ANKMY1: variants seen among roughly 807,000 people sequenced by gnomAD.
ANKMY1 encodes ankyrin repeat and MYND domain containing 1, also known as ankyrin repeat and MYND domain-containing protein 1.
Under a neutral mutation model 102.0 loss-of-function variants are expected in ANKMY1, and 98 were observed. That is an observed-to-expected ratio of 0.96 (90% CI 0.82 to 1.14). The LOEUF (loss-of-function observed/expected upper bound fraction) is 1.14, where lower values mean the gene tolerates loss of function less well. Among genes scored for constraint, ANKMY1 ranks in the 50% most tolerant of loss-of-function variants. The pLI, the probability that ANKMY1 is intolerant of heterozygous loss-of-function variation, is 0.00. For synonymous variants in ANKMY1, 582 were observed against 559.9 expected (o/e 1.04, Z -0.56); for missense variants, 1,330 against 1,347.6 (o/e 0.99, Z 0.20).
chr2:240,529,313 T>C lies in ANKMY1; in HGVS notation c.677A>G (p.Glu226Gly). The part of the protein sequence containing the change: ...HSPARISLSE[E>G]EKTEWGLQEG... ...CTGCAGTCCCCACTCCGTTTTCTCC[T>C]CTTCTGAGAGGCTGATCCTGGCAGG... Residue 226 changes from glutamate to glycine, a missense_variant, in exon 5 of 18, where the codon GAG becomes GGG. Glu to Gly is a moderately conservative substitution (Grantham distance 98, BLOSUM62 -2). Transcript: ENST00000401804. The surrounding 1 kb of genome is among the most constrained non-coding windows in gnomAD (Gnocchi z 4.2). 1 of 1,614,194 alleles carries C rather than the reference T, an allele frequency of 6.2e-7. No individual in the cohort carries two copies. Among genetic ancestry groups the C allele is most frequent in the Non-Finnish European group, 8.5e-7 (1 of 1,180,034 alleles).
At chr2:240,560,471 TC>T, upstream of ANKMY1, 1 of 682,276 alleles carries the variant, frequency 1.5e-6, no homozygotes, top group Non-Finnish European at 2.1e-6. Context: ...GGCCCAAACC[TC>T]CCGCCATGCC....
intron 4 of ANKMY1, among the ~76,000 whole-genome samples, chr2:240,538,103 A>G (rs1339577477): frequency 6.6e-6 from 1 of 152,220 alleles, no homozygotes; most frequent in Non-Finnish European, 1.5e-5. Flanking sequence ...TCTTTTAACA[A>G]TGGTGAGAGG....
chr2:240,480,970 G>A lies in ANKMY1; in HGVS notation c.3013C>T (p.His1005Tyr), dbSNP rs756559182. Residue 1005 changes from histidine (H) to tyrosine (Y), a missense_variant, in exon 17 of 18, where the codon CAC becomes TAC. By Grantham distance (83) the His-to-Tyr change is moderately conservative (BLOSUM62 2). Coordinates refer to ENST00000401804, the MANE Select transcript of ANKMY1 (RefSeq NM_001282771.3). ...ACCAGGTCCCCGCAGTCCTTCTTGT[G>A]GAACTCGGTCCAGGCCTTGGTCTTG... ...YCKTKAWTEF[H>Y]KKDCGDLVAI... The A allele has an allele frequency of 6.2e-7, 1 of 1,612,870 alleles. No individual in the cohort carries two copies. Among genetic ancestry groups the A allele is most frequent in the South Asian group, 1.1e-5 (1 of 91,040 alleles).
At position 240,522,899 on chromosome 2, in the gene ANKMY1, T is replaced by C. The variant is rs372158875; in HGVS notation, c.1832+986A>G. On this transcript the variant is annotated intron_variant, in intron 8 of 17. Coordinates refer to ENST00000401804, the MANE Select transcript of ANKMY1 (RefSeq NM_001282771.3). ...CAGAATTCTGCTATTCACTTGAAAA[T>C]GTAAATTTCGCCAGCAACAAATAGT... 8 of 152,232 alleles carry C rather than the reference T, an allele frequency of 5.3e-5. No homozygotes were observed. In the East Asian group the frequency reaches 1.2e-3, roughly 22 times the overall value. 9.4% of individuals were successfully genotyped at this position (152,232 alleles called of 1,614,324 possible).
chr2:240,520,233 TCA>T lies in ANKMY1; in HGVS notation c.2004+127_2004+128del. The T allele has an allele frequency of 7.2e-7, 1 of 1,391,878 alleles. No homozygotes were observed. The highest frequency in any genetic ancestry group is 9.9e-7 in the Non-Finnish European group (1 of 1,007,040). The allele number at this position is 1,391,878 out of a possible 1,614,324, so 86.2% of individuals were successfully genotyped here. Reference sequence around the variant, plus strand: ...CCCCACTGCGGCGCGCCGTCATCACTCACAGCCCAGGTGGTCGCCTGCAAGAG... The same window carrying T: ...CCCCACTGCGGCGCGCCGTCATCACTCAGCCCAGGTGGTCGCCTGCAAGAG... On this transcript the variant is annotated intron_variant, in intron 9 of 17. Transcript: ENST00000401804. The surrounding 1 kb of genome is among the most constrained non-coding windows in gnomAD (Gnocchi z 4.8).
intron 4 of ANKMY1, among the ~76,000 whole-genome samples, chr2:240,541,750 C>A (rs1485132517): frequency 6.6e-6 from 1 of 152,042 alleles, no homozygotes; most frequent in African/African-American, 2.4e-5. Flanking sequence ...GATCCACCTG[C>A]CTCGGCCTTC....
At chr2:240,492,803 G>T (rs1285638887) in intron 15 of ANKMY1, among the ~76,000 whole-genome samples, 1 of 152,072 alleles carries the variant, frequency 6.6e-6, no homozygotes, top group Non-Finnish European at 1.5e-5. Context: ...CAATTCTCCT[G>T]CCTCAGCCTC....
intron 11 of ANKMY1, among the ~76,000 whole-genome samples, chr2:240,511,126 C>T (rs2080099594): frequency 6.6e-6 from 1 of 152,146 alleles, no homozygotes; most frequent in Admixed American, 6.5e-5. Context: ...CCCCACCTCC[C>T]CACCTCCCTG....
At chr2:240,510,757 G>A (rs1357150238) in intron 11 of ANKMY1, among the ~76,000 whole-genome samples, 3 of 150,246 alleles carry the variant, frequency 2.0e-5, no homozygotes, top group South Asian at 2.1e-4. Context: ...CAGCCGTCAC[G>A]CCTGCAGCAC....
intron 9 of ANKMY1, among the ~76,000 whole-genome samples, chr2:240,513,857 C>T (rs1374264741): frequency 1.3e-5 from 2 of 152,268 alleles, no homozygotes; most frequent in Non-Finnish European, 2.9e-5. Flanking sequence ...CCAGCAGAGG[C>T]ATGCAGTGAG....
chr2:240,560,480 G>GC, upstream of ANKMY1: 3 of 732,148 alleles, frequency 4.1e-6, no homozygotes, highest in South Asian at 8.1e-5. Flanking sequence ...CTCCCGCCAT[G>GC]CCCCGGCCCC....
At chr2:240,560,611 T>G (rs1271736445), upstream of ANKMY1, 3 of 1,357,810 alleles carry the variant, frequency 2.2e-6, no homozygotes, top group South Asian at 1.7e-5. Context: ...CTCCCACAAA[T>G]AGACTCCTGG....
rs1245701553 is a variant in ANKMY1, at chr2:240,506,431, C to T, written c.2526+1129G>A. 6.6e-6 allele frequency among the ~76,000 whole-genome samples: 1 copy of T among 152,218 alleles called. No individual in the cohort carries two copies. The highest frequency in any genetic ancestry group is 6.5e-5 in the Admixed American group (1 of 15,288). ...TCCTCTGCCGCCTATGGAAAACTGA[C>T]TTCTGCGTCCTCACTTAGTCTATCC... is the stretch of plus-strand genomic sequence containing the variant. On this transcript the variant is annotated intron_variant, in intron 13 of 17. Coordinates refer to ENST00000401804, the MANE Select transcript of ANKMY1 (RefSeq NM_001282771.3). This position sits in a 1 kb window ranked among gnomAD's most constrained non-coding sequence, Gnocchi z 4.9.
At chr2:240,530,377 C>T (rs187137379) in intron 4 of ANKMY1, among the ~76,000 whole-genome samples, 27 of 151,994 alleles carry the variant, frequency 1.8e-4, no homozygotes, top group East Asian at 1.6e-3. Flanking sequence ...CCTTCATGAA[C>T]GGTTCAGCAC....
At chr2:240,538,045 G>T (rs946050459) in intron 4 of ANKMY1, among the ~76,000 whole-genome samples, 3 of 152,224 alleles carry the variant, frequency 2.0e-5, no homozygotes, top group Non-Finnish European at 4.4e-5. Context: ...TTCATCAATC[G>T]TTCATTGCTC....
At chr2:240,530,245 G>A (rs770179948) in intron 4 of ANKMY1, among the ~76,000 whole-genome samples, 44 of 152,274 alleles carry the variant, frequency 2.9e-4, no homozygotes, top group Admixed American at 5.9e-4. Flanking sequence ...CAGGGGAGGC[G>A]CATCTTCCTG....
intron 5 of ANKMY1, 96 bp downstream of exon 5, chr2:240,528,941 A>G (rs2084559887): frequency 9.0e-7 from 1 of 1,113,276 alleles, no homozygotes; most frequent in Middle Eastern, 2.1e-4. Flanking sequence ...CTGAGGGAGC[A>G]CTGTCAGTGG....
intron 15 of ANKMY1, among the ~76,000 whole-genome samples, chr2:240,494,384 C>G (rs991086980): frequency 1.8e-4 from 28 of 152,282 alleles, no homozygotes; most frequent in Admixed American, 5.2e-4. Context: ...CAGCTCACAA[C>G]CAAGTCCCAG....
At position 240,520,625 on chromosome 2, in the gene ANKMY1, G is replaced by T; in HGVS notation, c.1833-92C>A. 6.9e-7 allele frequency: 1 copy of T among 1,447,706 alleles called. No individual in the cohort carries two copies. Among genetic ancestry groups the T allele is most frequent in the Admixed American group, 2.5e-5 (1 of 40,222 alleles). 89.7% of individuals were successfully genotyped at this position (1,447,706 alleles called of 1,614,324 possible). On this transcript the variant is annotated intron_variant, in intron 8 of 17. Transcript: ENST00000401804. The surrounding 1 kb of genome is among the most constrained non-coding windows in gnomAD (Gnocchi z 4.8). ...CATGCCAGCGAGGAGGCTGGGGAGG[G>T]GCGCGTAGGGAGTATGTGTGTGCCG...
Sources: gnomAD v4.1 joint callset for allele counts (sites outside exome capture counted in the v4.1 genomes callset) on GRCh38, gnomAD v4.1.1 for gene constraint, Gnocchi (gnomAD v3.1) non-coding constraint, MANE v1.5 for transcripts, NCBI Gene and HGNC (gene_info 2026-07-23, HGNC 2026-07-21) for gene names.